The following AAMDC variants were observed in gnomAD, a reference collection of about 807,000 sequenced individuals.
AAMDC encodes adipogenesis associated Mth938 domain containing.
A neutral mutation model predicts 15.5 loss-of-function variants in AAMDC; 16 were observed. The ratio of observed to expected loss-of-function variants is 1.03; its 90% CI spans 0.70 to 1.57. AAMDC has a LOEUF of 1.57. Among genes scored for constraint, AAMDC ranks in the 40% most tolerant of loss-of-function variants. The pLI, the probability that AAMDC is intolerant of heterozygous loss-of-function variation, is 0.00. For missense variants in AAMDC, 141 were observed against 144.9 expected (o/e 0.97, Z 0.14); for synonymous variants, 51 against 51.6 (o/e 0.99, Z 0.05).
intron 1 of AAMDC, among the ~76,000 whole-genome samples, chr11:77,829,176 A>G (rs1256446565): frequency 2.0e-5 from 3 of 146,884 alleles, no homozygotes; most frequent in Admixed American, 6.9e-5. Flanking sequence ...TTATAAGAAC[A>G]GAAATAGAGA....
chr11:77,829,127 T>C (rs971296708), intron 1 of AAMDC, among the ~76,000 whole-genome samples: 23 of 152,288 alleles, frequency 1.5e-4, no homozygotes, highest in African/African-American at 3.1e-4. Context: ...TTAAACAATG[T>C]CATGAGGGTG....
At chr11:77,902,096 A>G (rs1952796176), downstream of AAMDC, among the ~76,000 whole-genome samples, 1 of 152,220 alleles carries the variant, frequency 6.6e-6, no homozygotes, top group South Asian at 2.1e-4. Flanking sequence ...GATTTTCATC[A>G]AAATGATGCT....
intron 2 of AAMDC, among the ~76,000 whole-genome samples, chr11:77,849,418 T>C (rs948934430): frequency 2.0e-5 from 3 of 152,112 alleles, no homozygotes; most frequent in African/African-American, 7.2e-5. Context: ...AAAGATGGCT[T>C]TCACCATGTT....
chr11:77,891,235 A>T (rs1325947724), intron 5 of AAMDC: 1 of 1,327,990 alleles, frequency 7.5e-7, no homozygotes, highest in African/African-American at 1.5e-5. Context: ...CTGTCCCTCA[A>T]GTAGAGACTA....
At chr11:77,844,026 C>T (rs1590941372) in intron 2 of AAMDC, among the ~76,000 whole-genome samples, 1 of 152,120 alleles carries the variant, frequency 6.6e-6, no homozygotes, top group South Asian at 2.1e-4. Flanking sequence ...CACCTCCCAC[C>T]GAGTTCCTCT....
At chr11:77,880,602 C>T (rs1013396789) in intron 5 of AAMDC, among the ~76,000 whole-genome samples, 1 of 152,154 alleles carries the variant, frequency 6.6e-6, no homozygotes, top group Non-Finnish European at 1.5e-5. Flanking sequence ...CCACACTCTC[C>T]CATTCCATCC....
chr11:77,895,527 G>GAAAAAA (rs71046921), intron 5 of AAMDC, among the ~76,000 whole-genome samples: 8 of 39,232 alleles, frequency 2.0e-4, no homozygotes, highest in African/African-American at 6.6e-4. Context: ...TTCTTTTCCT[G>GAAAAAA]AAAAAAAAAA....
At chr11:77,863,328 C>T (rs956388639) in intron 2 of AAMDC, among the ~76,000 whole-genome samples, 4 of 152,098 alleles carry the variant, frequency 2.6e-5, no homozygotes, top group Admixed American at 1.3e-4. Context: ...AAGTCAGCAG[C>T]GGGTCTGTGA....
At chr11:77,885,346 G>C (rs1951959568) in intron 5 of AAMDC, among the ~76,000 whole-genome samples, 1 of 151,940 alleles carries the variant, frequency 6.6e-6, no homozygotes, top group African/African-American at 2.4e-5. Flanking sequence ...CAAAGTGTTG[G>C]GATTACAGGC....
intron 1 of AAMDC, among the ~76,000 whole-genome samples, chr11:77,831,101 T>C (rs1277776025): frequency 2.0e-5 from 3 of 151,512 alleles, no homozygotes; most frequent in Admixed American, 2.0e-4. Flanking sequence ...GCTGTAATCA[T>C]GTCACAGCAT....
At chr11:77,883,607 C>G (rs1331921348) in intron 5 of AAMDC, among the ~76,000 whole-genome samples, 6 of 152,108 alleles carry the variant, frequency 3.9e-5, no homozygotes, top group Non-Finnish European at 8.8e-5. Flanking sequence ...TGTATATCTT[C>G]CAACAGAATC....
At chr11:77,903,770 A>C, downstream of AAMDC, 1 of 642,270 alleles carries the variant, frequency 1.6e-6, no homozygotes. Flanking sequence ...AGCTGTATCT[A>C]TTATGGAGAA....
intron 5 of AAMDC, among the ~76,000 whole-genome samples, chr11:77,888,565 T>C (rs540485942): frequency 1.3e-5 from 2 of 152,092 alleles, no homozygotes; most frequent in African/African-American, 4.8e-5. Context: ...AAGGCCAAAA[T>C]TGAGAAATGG....
intron 5 of AAMDC, among the ~76,000 whole-genome samples, chr11:77,898,944 C>G (rs1372174697): frequency 6.6e-6 from 1 of 152,094 alleles, no homozygotes; most frequent in African/African-American, 2.4e-5. Flanking sequence ...TGCTTGGACC[C>G]GGGAACCAGA....
Position 77,891,776 on chromosome 11 carries a change from G to A in AAMDC, c.329-8795G>A, listed in dbSNP as rs746875147. ...GCAGGTTTGGATGTCATGAGTCGGGGCATAAGGTCAAGGAGTTTGTCCACA... is the reference window on the plus strand; with the variant it reads ...GCAGGTTTGGATGTCATGAGTCGGGACATAAGGTCAAGGAGTTTGTCCACA... On this transcript the variant is annotated intron_variant, in intron 5 of 5. Transcript: ENST00000304716. 1.2e-5 allele frequency: 19 copies of A among 1,611,878 alleles called. No homozygotes were observed. The highest frequency in any genetic ancestry group is 4.5e-5 in the East Asian group (2 of 44,886).
chr11:77,878,136 G>C (rs962606458), intron 5 of AAMDC, among the ~76,000 whole-genome samples: 9 of 152,122 alleles, frequency 5.9e-5, no homozygotes, highest in African/African-American at 2.2e-4. Flanking sequence ...GCCAAGGTGG[G>C]CAGATCACGA....
downstream of AAMDC, chr11:77,872,362 C>A: frequency 6.4e-7 from 1 of 1,561,596 alleles, no homozygotes; most frequent in Admixed American, 1.9e-5. Flanking sequence ...ATGCCTGTGA[C>A]TGTCACTCAC....
intron 1 of AAMDC, among the ~76,000 whole-genome samples, chr11:77,829,430 G>A (rs981784358): frequency 6.6e-6 from 1 of 152,218 alleles, no homozygotes; most frequent in Admixed American, 6.5e-5. Context: ...CAATGGAACA[G>A]AATGGAGACT....
chr11:77,864,251 C>T (rs1951011297), intron 2 of AAMDC, among the ~76,000 whole-genome samples: 2 of 151,664 alleles, frequency 1.3e-5, no homozygotes, highest in Admixed American at 1.3e-4. Flanking sequence ...AATATTAGAA[C>T]ATAATGATTA....
Sources: allele counts gnomAD v4.1 joint callset (sites outside exome capture counted in the v4.1 genomes callset), GRCh38; gene constraint gnomAD v4.1.1; transcripts MANE v1.5; gene names NCBI Gene and HGNC (gene_info 2026-07-23, HGNC 2026-07-21).